The following SEMA3A variants were observed in gnomAD, a reference collection of about 807,000 sequenced individuals.
SEMA3A encodes semaphorin-3A.
Under a neutral mutation model 97.9 loss-of-function variants are expected in SEMA3A, and 29 were observed. The ratio of observed to expected loss-of-function variants is 0.30; its 90% confidence interval spans 0.22 to 0.40. The LOEUF is 0.40. Among genes scored for constraint, SEMA3A ranks in the 10% least tolerant of loss-of-function variants. SEMA3A has a pLI of 1.00. For synonymous variants in SEMA3A, 321 were observed against 323.7 expected (o/e 0.99, Z 0.09); for missense variants, 763 against 951.3 (o/e 0.80, Z 2.60).
intron 1 of SEMA3A, among the ~76,000 whole-genome samples, chr7:84,417,240 A>C (rs1239030219): frequency 6.6e-6 from 1 of 152,086 alleles, no homozygotes; most frequent in Non-Finnish European, 1.5e-5. Context: ...GACTCACTAC[A>C]AAATGTAAAT....
chr7:84,233,329 A>G (rs867527670), intron 3 of SEMA3A, among the ~76,000 whole-genome samples: 3 of 151,944 alleles, frequency 2.0e-5, no homozygotes, highest in Admixed American at 6.6e-5. Flanking sequence ...TAGTTGCGTG[A>G]TTTGGCTACT....
At chr7:84,442,338 G>C (rs2706910) in intron 1 of SEMA3A, among the ~76,000 whole-genome samples, 69,594 of 151,860 alleles carry the variant, frequency 0.46, 17,591 homozygotes, top group East Asian at 0.78. Flanking sequence ...GGGATGGGGA[G>C]AAGCCTCTTA....
chr7:84,420,102 G>T (rs971186952), intron 1 of SEMA3A, among the ~76,000 whole-genome samples: 22 of 151,672 alleles, frequency 1.5e-4, no homozygotes, highest in African/African-American at 4.8e-4. Context: ...CTTGTTCCCA[G>T]AATTTTCATA....
At chr7:83,999,905 T>A (rs1239304117) in intron 12 of SEMA3A, among the ~76,000 whole-genome samples, 1 of 152,104 alleles carries the variant, frequency 6.6e-6, no homozygotes, top group Non-Finnish European at 1.5e-5. Flanking sequence ...GGATGATAAC[T>A]TGTGACTGTT....
At chr7:84,219,412 A>G (rs1447381911) in intron 3 of SEMA3A, among the ~76,000 whole-genome samples, 1 of 152,166 alleles carries the variant, frequency 6.6e-6, no homozygotes, top group African/African-American at 2.4e-5. Flanking sequence ...ACACAAAAAT[A>G]GTTAAAGAAC....
At chr7:83,996,402 A>C (rs915964663) in intron 12 of SEMA3A, among the ~76,000 whole-genome samples, 1 of 149,672 alleles carries the variant, frequency 6.7e-6, no homozygotes, top group Non-Finnish European at 1.5e-5. Context: ...TCCCAGGTTC[A>C]AGCGATTCTC....
upstream of SEMA3A, among the ~76,000 whole-genome samples, chr7:84,197,981 C>T (rs1379164512): frequency 2.0e-5 from 3 of 152,026 alleles, no homozygotes; most frequent in Non-Finnish European, 4.4e-5. Context: ...CTCAGGCAAT[C>T]TGCCGGCCTC....
At chr7:84,403,263 T>C (rs1040700752) in intron 1 of SEMA3A, among the ~76,000 whole-genome samples, 10 of 152,248 alleles carry the variant, frequency 6.6e-5, no homozygotes, top group Middle Eastern at 3.4e-3. Context: ...CACACATGGC[T>C]CAGAGGGTCC....
At position 84,058,783 on chromosome 7, in the gene SEMA3A, T is replaced by C. The variant is rs141852455; in HGVS notation, c.547+1682A>G. On this transcript the variant is annotated intron_variant, in intron 5 of 16. Transcript: ENST00000265362. ...GTTCTTTCTAGCCACGTCCTCTTCC[T>C]GACTCACTGAACTTTGCTCATTCTC... Among the ~76,000 whole-genome samples, 394 of 152,324 alleles carry C rather than the reference T, an allele frequency of 2.6e-3. 2 individuals carry two copies. Among genetic ancestry groups the C allele is most frequent in the African/African-American group, 8.8e-3 (366 of 41,590 alleles).
chr7:84,316,195 G>A (rs567696516), intron 2 of SEMA3A, among the ~76,000 whole-genome samples: 3 of 135,832 alleles, frequency 2.2e-5, no homozygotes, highest in South Asian at 2.5e-4. Flanking sequence ...TTCATTTATC[G>A]TCTTTTTTCA....
chr7:84,185,424 C>A (rs2116249772), intron 1 of SEMA3A, among the ~76,000 whole-genome samples: 1 of 152,016 alleles, frequency 6.6e-6, no homozygotes. Flanking sequence ...GTAATCCCAG[C>A]ACTTTGGGAG....
At position 84,217,536 on chromosome 7, in the gene SEMA3A, T is replaced by C. The variant is rs1266254450; in HGVS notation, c.-82-22868A>G. On this transcript the variant is annotated intron_variant, in intron 3 of 3. Coordinates refer to the SEMA3A transcript ENST00000424555. ...TCTACCATGTGCTGTGGTGTTTAAATGTGCTACATTTTGAAAAGATGAAGG... is the reference window on the plus strand; with the variant it reads ...TCTACCATGTGCTGTGGTGTTTAAACGTGCTACATTTTGAAAAGATGAAGG... Among the ~76,000 whole-genome samples, 6 of 152,132 alleles carry C rather than the reference T, an allele frequency of 3.9e-5. No homozygotes were observed. The East Asian group carries it at 1.2e-3, about 29-fold the overall frequency.
intron 3 of SEMA3A, among the ~76,000 whole-genome samples, chr7:84,247,452 G>A (rs1799501077): frequency 6.6e-6 from 1 of 152,078 alleles, no homozygotes; most frequent in Non-Finnish European, 1.5e-5. Flanking sequence ...CTAGTTAACA[G>A]TTATAATAAA....
chr7:84,426,992 C>G (rs971874737), intron 1 of SEMA3A, among the ~76,000 whole-genome samples: 1 of 152,090 alleles, frequency 6.6e-6, no homozygotes, highest in Non-Finnish European at 1.5e-5. Flanking sequence ...AGAAGACTGA[C>G]CCCTGATGTT....
intron 15 of SEMA3A, among the ~76,000 whole-genome samples, chr7:83,973,482 C>G (rs540635684): frequency 1.3e-5 from 2 of 151,826 alleles, no homozygotes; most frequent in Non-Finnish European, 2.9e-5. Context: ...GTAGGGATTA[C>G]TTTTAGGGCT....
At chr7:84,343,825 C>T (rs923785490) in intron 2 of SEMA3A, among the ~76,000 whole-genome samples, 1 of 151,952 alleles carries the variant, frequency 6.6e-6, no homozygotes, top group African/African-American at 2.4e-5. Context: ...GACTTCATTT[C>T]TATGAAAAAC....
chr7:84,307,472 T>C (rs985010217), intron 2 of SEMA3A, among the ~76,000 whole-genome samples: 4 of 152,206 alleles, frequency 2.6e-5, no homozygotes. Context: ...GTACTGAATT[T>C]GGCAAACATT....
chr7:83,988,257 C>G (rs931204519), intron 12 of SEMA3A, among the ~76,000 whole-genome samples: 1 of 151,908 alleles, frequency 6.6e-6, no homozygotes, highest in Non-Finnish European at 1.5e-5. Context: ...GAGGGAGTCT[C>G]GCTCTGTCGC....
intron 1 of SEMA3A, among the ~76,000 whole-genome samples, chr7:84,409,459 T>C (rs1242271755): frequency 6.6e-6 from 1 of 152,114 alleles, no homozygotes; most frequent in Non-Finnish European, 1.5e-5. Context: ...ACATTAGCCC[T>C]TTTTGTGTTA....
Sources: gnomAD v4.1 joint callset for allele counts (sites outside exome capture counted in the v4.1 genomes callset) on GRCh38, gnomAD v4.1.1 for gene constraint, MANE v1.5 for transcripts, NCBI Gene and HGNC (gene_info 2026-07-23, HGNC 2026-07-21) for gene names.